MIPOL1: variants seen among roughly 807,000 people sequenced by gnomAD.
MIPOL1 encodes the protein mirror-image polydactyly gene 1 protein.
In MIPOL1, 57 loss-of-function variants were observed where a neutral mutation model predicts 60.9. The observed-to-expected ratio is 0.94, with a 90% CI of 0.76 to 1.17. MIPOL1 has a LOEUF of 1.17. MIPOL1 is among the 50% of genes most tolerant of loss of function. The pLI, the probability that MIPOL1 is intolerant of heterozygous loss-of-function variation, is 0.00. For missense variants in MIPOL1, 551 were observed against 511.6 expected (o/e 1.08, Z -0.74); for synonymous variants, 179 against 168.8 (o/e 1.06, Z -0.47).
intron 3 of MIPOL1, among the ~76,000 whole-genome samples, chr14:37,254,784 C>T (rs927895870): frequency 1.3e-5 from 2 of 151,724 alleles, no homozygotes; most frequent in Admixed American, 1.3e-4. Context: ...GCATTTTATA[C>T]AAATGATCGT....
At chr14:37,218,749 C>T (rs1444884109) in intron 1 of MIPOL1, among the ~76,000 whole-genome samples, 3 of 151,598 alleles carry the variant, frequency 2.0e-5, no homozygotes, top group South Asian at 4.2e-4. Context: ...CCAGCATAGG[C>T]AACATGAAGA....
chr14:37,463,517 A>G (rs147587485), intron 11 of MIPOL1, among the ~76,000 whole-genome samples: 4 of 152,328 alleles, frequency 2.6e-5, no homozygotes, highest in Non-Finnish European at 4.4e-5. Flanking sequence ...GAAAGGACAC[A>G]CTATTCAATA....
chr14:37,291,100 G>T (rs1283622520), intron 7 of MIPOL1, among the ~76,000 whole-genome samples: 2 of 151,988 alleles, frequency 1.3e-5, no homozygotes, highest in East Asian at 3.9e-4. Context: ...TTCTAAAGAG[G>T]TTTTTTTGTA....
At chr14:37,546,531 T>C (rs1463140572) in intron 12 of MIPOL1, among the ~76,000 whole-genome samples, 2 of 152,340 alleles carry the variant, frequency 1.3e-5, no homozygotes, top group South Asian at 2.1e-4. Context: ...TGTTTTGAAA[T>C]ATGTGCTTTT....
At chr14:37,499,860 A>G in intron 11 of MIPOL1, 48 bp from the exon 12 acceptor site, 3 of 959,672 alleles carry the variant, frequency 3.1e-6, no homozygotes, top group Non-Finnish European at 4.6e-6. Flanking sequence ...ATCATAGATC[A>G]CTCAGTTTAC....
intron 9 of MIPOL1, among the ~76,000 whole-genome samples, chr14:37,335,939 G>A (rs767165099): frequency 7.3e-5 from 11 of 151,714 alleles, no homozygotes; most frequent in African/African-American, 9.7e-5. Flanking sequence ...AGCTGCTTGC[G>A]CTTTTAGTAT....
chr14:37,297,260 CA>C (rs1594978799), intron 7 of MIPOL1, among the ~76,000 whole-genome samples: 1 of 152,174 alleles, frequency 6.6e-6, no homozygotes, highest in East Asian at 1.9e-4. Context: ...CAACAACCTT[CA>C]TGCTAAAAAC....
Position 37,513,474 on chromosome 14 carries a change from T to C in MIPOL1, c.1262+13336T>C, listed in dbSNP as rs189488461. ...TCTTAACTATGGGGAATGTCTCATG[T>C]TGGTATGAAGAAGAAACATAGTTTT... On this transcript the variant is annotated intron_variant, in intron 12 of 12. Transcript: ENST00000684589. Among the ~76,000 whole-genome samples, 106 of 152,264 alleles carry C rather than the reference T, an allele frequency of 7.0e-4. 2 individuals are homozygous for C. Among genetic ancestry groups the C allele is most frequent in the South Asian group, 1.9e-3 (9 of 4,828 alleles).
intron 6 of MIPOL1, among the ~76,000 whole-genome samples, 169 bp downstream of exon 6, chr14:37,270,694 G>A (rs1191935850): frequency 7.8e-6 from 1 of 128,768 alleles, no homozygotes; most frequent in East Asian, 2.2e-4. Context: ...TTAACATCCT[G>A]GTACTGGTAT....
At chr14:37,221,721 A>T (rs563241783) in intron 1 of MIPOL1, among the ~76,000 whole-genome samples, 3 of 152,196 alleles carry the variant, frequency 2.0e-5, no homozygotes, top group Admixed American at 6.5e-5. Context: ...GTCTGCTTCC[A>T]TGAACTAATT....
intron 3 of MIPOL1, chr14:37,265,228 A>G (rs1461994157): frequency 6.6e-6 from 1 of 152,100 alleles, no homozygotes; most frequent in Non-Finnish European, 1.5e-5. Flanking sequence ...GCATATCCCT[A>G]CTTGACCTTT....
chr14:37,391,080 A>G (rs184570143), intron 10 of MIPOL1, among the ~76,000 whole-genome samples: 60 of 152,294 alleles, frequency 3.9e-4, no homozygotes, highest in Non-Finnish European at 7.8e-4. Context: ...TGAATTCTCA[A>G]TAGAAATAAC....
intron 11 of MIPOL1, among the ~76,000 whole-genome samples, chr14:37,497,042 G>A (rs995546227): frequency 2.0e-5 from 3 of 151,922 alleles, no homozygotes; most frequent in African/African-American, 7.3e-5. Context: ...AGGCAATGGG[G>A]AAAGGATTCC....
intron 9 of MIPOL1, among the ~76,000 whole-genome samples, chr14:37,342,992 A>G (rs1595255375): frequency 6.7e-6 from 1 of 149,780 alleles, no homozygotes; most frequent in South Asian, 2.1e-4. Context: ...TAGTTAAAAT[A>G]TATATTTATA....
intron 12 of MIPOL1, among the ~76,000 whole-genome samples, chr14:37,515,736 T>G (rs916684272): frequency 6.7e-6 from 1 of 150,188 alleles, no homozygotes; most frequent in African/African-American, 2.4e-5. Context: ...CCTAAATCTT[T>G]CCCAGAATGA....
At position 37,270,501 on chromosome 14, in the gene MIPOL1, G is replaced by A. The variant is rs149142304; in HGVS notation, c.469G>A (p.Ala157Thr). 1 of 1,596,694 alleles carries A rather than the reference G, an allele frequency of 6.3e-7. No homozygotes were observed. Among genetic ancestry groups the A allele is most frequent in the African/African-American group, 1.4e-5 (1 of 73,932 alleles). ...KLELQEKETE[A>T]KIAEKTAALV... ...GGAACTCCAAGAGAAAGAAACAGAA[G>A]CTAAAATTGCTGAAAAGACAGCAGG... The change falls in exon 6 of 13, where the codon GCT (alanine) becomes ACT (threonine). Residue 157 changes from alanine (A) to threonine (T), a missense_variant. Ala to Thr is a moderately conservative substitution (Grantham distance 58). Transcript: ENST00000684589.
At chr14:37,285,254 G>A in intron 6 of MIPOL1, 64 bp from the exon 7 acceptor site, 1 of 1,562,440 alleles carries the variant, frequency 6.4e-7, no homozygotes, top group Non-Finnish European at 8.7e-7. Flanking sequence ...TTTTATTTTT[G>A]CTAAAGGTAT....
At chr14:37,408,032 T>C (rs963717072) in intron 10 of MIPOL1, among the ~76,000 whole-genome samples, 3 of 150,970 alleles carry the variant, frequency 2.0e-5, no homozygotes, top group African/African-American at 7.3e-5. Context: ...TATTTATTTA[T>C]TTATTTTATT....
chr14:37,382,775 C>T (rs17106703), intron 10 of MIPOL1, among the ~76,000 whole-genome samples: 10,057 of 151,788 alleles, frequency 0.066, 701 homozygotes, highest in East Asian at 0.31. Context: ...ATCAAATCCC[C>T]TTAATTACAA....
Sources: gnomAD v4.1 joint callset for allele counts (sites outside exome capture counted in the v4.1 genomes callset) on GRCh38, gnomAD v4.1.1 for gene constraint, MANE v1.5 for transcripts, NCBI Gene and HGNC (gene_info 2026-07-23, HGNC 2026-07-21) for gene names.